Variants in GPC5 observed in about 807,000 individuals in gnomAD.
GPC5 encodes the protein glypican-5.
A neutral mutation model predicts 53.9 loss-of-function variants in GPC5; 47 were observed. The observed-to-expected ratio is 0.87, with a 90% CI of 0.69 to 1.11. GPC5 has a LOEUF of 1.11. GPC5 is among the 50% of genes most tolerant of loss of function. GPC5 has a pLI of 0.00. For missense variants in GPC5, 748 were observed against 713.1 expected (o/e 1.05, Z -0.56); for synonymous variants, 286 against 263.3 (o/e 1.09, Z -0.84).
chr13:91,839,861 C>G (rs1757861292), intron 5 of GPC5, among the ~76,000 whole-genome samples: 2 of 151,944 alleles, frequency 1.3e-5, no homozygotes, highest in Admixed American at 1.3e-4. Context: ...TTTACTAATA[C>G]CAAGTTCATA....
rs1455330961 is a variant in GPC5, at chr13:92,527,239, AAGAAAGAAAGAGAAAGAAAGAAAG to A, written c.1562-339041_1562-339018del. 9.1e-3 allele frequency among the ~76,000 whole-genome samples: 366 copies of A among 40,352 alleles called. 13 individuals are homozygous for A. The highest frequency in any genetic ancestry group is 0.041 in the African/African-American group (327 of 7,900). The allele number at this position is 40,352 out of a possible 152,430, so 26.5% of individuals were successfully genotyped here. A position where few individuals can be genotyped will look rare whatever the true frequency, so the allele number is the denominator to read the frequency against. On this transcript the variant is annotated intron_variant, in intron 7 of 7. Coordinates refer to ENST00000377067, the MANE Select transcript of GPC5 (RefSeq NM_004466.6). ...AAAGAAAGAAAGAAAGAAAGAAAGA[AAGAAAGAAAGAGAAAGAAAGAAAG>A]AAAGAAAGAAAGAAAGAAAAAGATC...
intron 7 of GPC5, among the ~76,000 whole-genome samples, chr13:92,474,283 T>C (rs1188860034): frequency 2.0e-5 from 3 of 152,016 alleles, no homozygotes; most frequent in East Asian, 1.9e-4. Context: ...TTTGCATAGA[T>C]TGTAATAGGC....
chr13:91,807,049 TG>T (rs1566274911), intron 5 of GPC5, among the ~76,000 whole-genome samples: 1 of 152,182 alleles, frequency 6.6e-6, no homozygotes, highest in Non-Finnish European at 1.5e-5. Context: ...TCTCTAAGCC[TG>T]CTTCCCACAC....
At chr13:92,255,302 G>T (rs1440622572) in intron 7 of GPC5, among the ~76,000 whole-genome samples, 1 of 152,024 alleles carries the variant, frequency 6.6e-6, no homozygotes, top group Non-Finnish European at 1.5e-5. Context: ...AACTAGAATG[G>T]GGCATCAAAG....
At chr13:92,122,876 G>A (rs2041662438) in intron 6 of GPC5, among the ~76,000 whole-genome samples, 1 of 148,398 alleles carries the variant, frequency 6.7e-6, no homozygotes, top group East Asian at 2.0e-4. Context: ...ACAAAAAAAA[G>A]CAATTTTTAC....
chr13:92,057,591 T>C (rs1467337583), intron 6 of GPC5, among the ~76,000 whole-genome samples: 1 of 151,006 alleles, frequency 6.6e-6, no homozygotes, highest in Non-Finnish European at 1.5e-5. Context: ...TTTTTTTTAA[T>C]CTATTTTGAA....
intron 3 of GPC5, among the ~76,000 whole-genome samples, chr13:91,705,798 A>G (rs1361936196): frequency 4.6e-5 from 7 of 150,990 alleles, no homozygotes; most frequent in African/African-American, 9.7e-5. Context: ...GAAAAATATT[A>G]CTTATACTCC....
intron 5 of GPC5, among the ~76,000 whole-genome samples, chr13:91,766,770 A>T (rs1459621656): frequency 6.6e-6 from 1 of 152,080 alleles, no homozygotes; most frequent in Non-Finnish European, 1.5e-5. Context: ...TGAGGCAGGA[A>T]AATTGCTTGA....
intron 6 of GPC5, among the ~76,000 whole-genome samples, chr13:91,975,285 T>C (rs978712146): frequency 6.6e-6 from 1 of 152,002 alleles, no homozygotes; most frequent in Non-Finnish European, 1.5e-5. Flanking sequence ...CTAATTAAAC[T>C]AAAGAGCTTC....
chr13:91,975,063 A>T (rs59083831), intron 6 of GPC5, among the ~76,000 whole-genome samples: 3,579 of 152,218 alleles, frequency 0.024, 140 homozygotes, highest in African/African-American at 0.082. Flanking sequence ...AACTGGCTAG[A>T]CATATGTAGA....
chr13:92,452,758 G>T (rs908272704), intron 7 of GPC5, among the ~76,000 whole-genome samples: 1 of 152,068 alleles, frequency 6.6e-6, no homozygotes, highest in Admixed American at 6.5e-5. Context: ...TAGTGGTGAC[G>T]GGGTTTCACC....
intron 7 of GPC5, among the ~76,000 whole-genome samples, chr13:92,734,653 T>C (rs1474083579): frequency 6.6e-6 from 1 of 151,916 alleles, no homozygotes; most frequent in Non-Finnish European, 1.5e-5. Flanking sequence ...ATATAAACAC[T>C]ATTGTGATGT....
rs531381514 is a variant in GPC5 at position 92,477,233 on chromosome 13, G to T, written c.1561+332244G>T. ...GAGTAAACAAAAGTGGAGGGAAAGG[G>T]TTTGGCAGTGAAGAACAACTTGTTC... On this transcript the variant is annotated intron_variant, in intron 7 of 7. Transcript: ENST00000377067. 5.9e-5 allele frequency among the ~76,000 whole-genome samples: 9 copies of T among 152,178 alleles called. No individual in the cohort carries two copies. In the South Asian group the frequency reaches 1.9e-3, roughly 32 times the overall value.
intron 7 of GPC5, among the ~76,000 whole-genome samples, chr13:92,758,293 G>A (rs1440388988): frequency 6.8e-6 from 1 of 147,188 alleles, no homozygotes; most frequent in Admixed American, 6.9e-5. Flanking sequence ...GAGATCACAT[G>A]GACACAGGAA....
At chr13:92,379,996 C>G (rs2043726329) in intron 7 of GPC5, among the ~76,000 whole-genome samples, 1 of 152,218 alleles carries the variant, frequency 6.6e-6, no homozygotes, top group African/African-American at 2.4e-5. Flanking sequence ...CCAATGGTCA[C>G]TCATCCTTCC....
chr13:92,816,320 T>A lies in GPC5; in HGVS notation c.1562-49962T>A, dbSNP rs1195271845. Reference sequence around the variant, plus strand: ...CTGTTGGTAACCAGATCCATAGACTTGAGCTATATGATTTCCCCCCTTGGG... The same window carrying A: ...CTGTTGGTAACCAGATCCATAGACTAGAGCTATATGATTTCCCCCCTTGGG... On this transcript the variant is annotated intron_variant, in intron 7 of 7. Coordinates refer to ENST00000377067, the MANE Select transcript of GPC5 (RefSeq NM_004466.6). Among the ~76,000 whole-genome samples the A allele has an allele frequency of 3.3e-5, 5 of 152,074 alleles. No individual in the cohort carries two copies. In the East Asian group the frequency reaches 9.6e-4, roughly 29 times the overall value.
At chr13:92,502,000 C>T (rs1013901015) in intron 7 of GPC5, among the ~76,000 whole-genome samples, 3 of 151,972 alleles carry the variant, frequency 2.0e-5, no homozygotes, top group Non-Finnish European at 4.4e-5. Context: ...CTTGCAATAT[C>T]ACAAACGAAA....
At chr13:91,724,397 C>T (rs943088318) in intron 3 of GPC5, among the ~76,000 whole-genome samples, 2 of 152,096 alleles carry the variant, frequency 1.3e-5, no homozygotes, top group Non-Finnish European at 2.9e-5. Context: ...TGAGCCTGTG[C>T]CTCCTCCTCT....
intron 4 of GPC5, among the ~76,000 whole-genome samples, chr13:91,737,529 C>A (rs910100791): frequency 1.3e-5 from 2 of 151,282 alleles, no homozygotes; most frequent in Non-Finnish European, 2.9e-5. Flanking sequence ...ATTGTAAAAT[C>A]CATCAGCGTC....
Sources: allele counts gnomAD v4.1 joint callset (sites outside exome capture counted in the v4.1 genomes callset), GRCh38; gene constraint gnomAD v4.1.1; transcripts MANE v1.5; gene names NCBI Gene and HGNC (gene_info 2026-07-23, HGNC 2026-07-21).